Variants in FYN observed in about 807,000 individuals in gnomAD.
The protein encoded by FYN is FYN proto-oncogene, Src family tyrosine kinase.
A neutral mutation model predicts 70.2 loss-of-function variants in FYN; 10 were observed. The observed-to-expected ratio is 0.14, with a 90% CI of 0.09 to 0.24. The LOEUF is 0.24. Ranked by LOEUF, FYN falls within the 10% of genes least tolerant of loss-of-function variation. FYN has a pLI of 1.00. For missense variants in FYN, 319 were observed against 673.1 expected (o/e 0.47, Z 5.82); for synonymous variants, 236 against 248.6 (o/e 0.95, Z 0.48).
chr6:111,840,738 C>T (rs756610902), intron 2 of FYN, among the ~76,000 whole-genome samples: 4 of 152,202 alleles, frequency 2.6e-5, no homozygotes, highest in Non-Finnish European at 2.9e-5. Context: ...TGCAGCTCTG[C>T]TCTTAAAAGT....
rs1278686647 is a variant in FYN, at chr6:111,728,329, T to G, written c.-11-8267A>C. Among the ~76,000 whole-genome samples, 2 of 152,224 alleles carry G rather than the reference T, an allele frequency of 1.3e-5. 1 individual carries two copies. The highest frequency in any genetic ancestry group is 1.3e-4 in the Admixed American group (2 of 15,280). On this transcript the variant is annotated intron_variant, in intron 3 of 13. Coordinates refer to ENST00000354650, the MANE Select transcript of FYN (RefSeq NM_002037.5). ...GAAAAGCCCCTTGTAGTTAATATTT[T>G]TAAAATTTCATTTAAAGTGAGATAT...
chr6:111,744,268 C>T (rs1802110617), intron 3 of FYN, among the ~76,000 whole-genome samples: 2 of 152,258 alleles, frequency 1.3e-5, no homozygotes, highest in African/African-American at 4.8e-5. Context: ...GGGCCCACAC[C>T]TGTGTCCTAG....
At chr6:111,846,075 A>T (rs1267306567) in intron 2 of FYN, among the ~76,000 whole-genome samples, 1 of 152,226 alleles carries the variant, frequency 6.6e-6, no homozygotes, top group Non-Finnish European at 1.5e-5. Context: ...TCTAACACCC[A>T]GTAGGAACCA....
intron 9 of FYN, 193 bp downstream of exon 9, chr6:111,699,911 A>ATT: frequency 2.0e-6 from 1 of 500,114 alleles, no homozygotes; most frequent in East Asian, 4.0e-5. Flanking sequence ...CCCACTTACT[A>ATT]TCTTTTTTTT....
chr6:111,776,627 T>C (rs919175403), intron 3 of FYN, among the ~76,000 whole-genome samples: 1 of 152,160 alleles, frequency 6.6e-6, no homozygotes, highest in African/African-American at 2.4e-5. Context: ...TAAGAAAATA[T>C]TTATGTCCAC....
intron 3 of FYN, among the ~76,000 whole-genome samples, chr6:111,746,570 T>G (rs934332856): frequency 3.3e-5 from 5 of 152,226 alleles, no homozygotes; most frequent in African/African-American, 1.2e-4. Context: ...CCTAGTAGTA[T>G]TCCATGGTAT....
chr6:111,732,780 G>A (rs1801526596), intron 3 of FYN, among the ~76,000 whole-genome samples: 1 of 152,186 alleles, frequency 6.6e-6, no homozygotes, highest in African/African-American at 2.4e-5. Flanking sequence ...TGGGTGTGGT[G>A]CTGGTGAACT....
chr6:111,860,421 T>C (rs1773931734), intron 1 of FYN, among the ~76,000 whole-genome samples: 1 of 152,144 alleles, frequency 6.6e-6, no homozygotes, highest in East Asian at 1.9e-4. Context: ...GCAGCAGTTC[T>C]GGATCTCAAG....
At chr6:111,676,245 T>A (rs1798525564) in intron 12 of FYN, among the ~76,000 whole-genome samples, 1 of 152,192 alleles carries the variant, frequency 6.6e-6, no homozygotes, top group Admixed American at 6.5e-5. Flanking sequence ...TTCCTCTCCA[T>A]CTCTCATGTG....
chr6:111,696,969 G>A (rs1026224063), intron 9 of FYN, among the ~76,000 whole-genome samples: 70 of 152,234 alleles, frequency 4.6e-4, no homozygotes. Context: ...TTACTTGACT[G>A]AGTCCTTGCA....
At chr6:111,723,028 A>T (rs1401280847) in intron 3 of FYN, among the ~76,000 whole-genome samples, 1 of 152,236 alleles carries the variant, frequency 6.6e-6, no homozygotes, top group African/African-American at 2.4e-5. Context: ...AAGCTTGTGC[A>T]CTGTGATAGA....
intron 6 of FYN, 42 bp downstream of exon 6, chr6:111,707,880 T>A: frequency 6.8e-7 from 1 of 1,474,382 alleles, no homozygotes; most frequent in Non-Finnish European, 9.5e-7. Flanking sequence ...GGCAATCAAC[T>A]TTTAAAATCA....
intron 3 of FYN, among the ~76,000 whole-genome samples, chr6:111,760,757 C>T (rs1352314911): frequency 2.0e-5 from 3 of 152,212 alleles, no homozygotes; most frequent in East Asian, 3.8e-4. Context: ...GTAACTAAAT[C>T]GCCTTTGGCA....
chr6:111,696,308 G>A lies in FYN; in HGVS notation c.1011C>T (p.Pro337=). The A allele has an allele frequency of 1.2e-6, 2 of 1,611,522 alleles. No individual in the cohort carries two copies. The highest frequency in any genetic ancestry group is 1.7e-6 in the Non-Finnish European group (2 of 1,178,912). Residue 337 remains proline (P), a synonymous_variant, in exon 10 of 14, where the codon CCC becomes CCT. Transcript: ENST00000354650. ...VQLYAVVSEE[P]IYIVTEYMNK... The stretch of plus-strand genomic sequence containing the variant: ...TCATATACTCGGTGACGATGTAGAT[G>A]GGCTCCTCAGACACCACTGCATAGA...
intron 3 of FYN, among the ~76,000 whole-genome samples, chr6:111,761,030 T>A (rs1802985964): frequency 6.6e-6 from 1 of 152,216 alleles, no homozygotes; most frequent in African/African-American, 2.4e-5. Flanking sequence ...CAGTTCATTG[T>A]GAGATGATGA....
At chr6:111,729,432 G>A (rs866634938) in intron 3 of FYN, among the ~76,000 whole-genome samples, 4 of 149,836 alleles carry the variant, frequency 2.7e-5, no homozygotes, top group South Asian at 2.1e-4. Context: ...CTGAGATGGC[G>A]CCACTGCACT....
At chr6:111,710,954 T>A (rs758742994) in intron 5 of FYN, among the ~76,000 whole-genome samples, 1 of 152,238 alleles carries the variant, frequency 6.6e-6, no homozygotes, top group African/African-American at 2.4e-5. Flanking sequence ...ATATATGATT[T>A]AAAGCCTGGC....
intron 1 of FYN, among the ~76,000 whole-genome samples, chr6:111,866,760 T>C (rs1303384842): frequency 6.6e-6 from 1 of 152,192 alleles, no homozygotes; most frequent in Non-Finnish European, 1.5e-5. Flanking sequence ...TCCTCACGAG[T>C]AAAATGAACA....
rs528395262 is a variant in FYN at position 111,844,444 on chromosome 6, T to C, written c.-82+2145A>G. Among the ~76,000 whole-genome samples, 8 of 152,330 alleles carry C rather than the reference T, an allele frequency of 5.3e-5. No homozygotes were observed. The South Asian group carries it at 1.2e-3, about 24-fold the overall frequency. ...AGGTAAACACAGACAAAAAGAAAAG[T>C]TGATAGATCCGTGTTCAACAGTGTT... On this transcript the variant is annotated intron_variant, in intron 2 of 13. Coordinates refer to ENST00000354650, the MANE Select transcript of FYN (RefSeq NM_002037.5).
Sources: gnomAD v4.1 joint callset for allele counts (sites outside exome capture counted in the v4.1 genomes callset) on GRCh38, gnomAD v4.1.1 for gene constraint, MANE v1.5 for transcripts, NCBI Gene and HGNC (gene_info 2026-07-23, HGNC 2026-07-21) for gene names.